The following CCDC68 variants were observed in gnomAD, a reference collection of about 807,000 sequenced individuals.
CCDC68 encodes coiled-coil domain-containing protein 68.
CCDC68 carries 45 observed loss-of-function variants against 47.1 expected under a neutral mutation model. The observed-to-expected ratio is 0.96, with a 90% CI of 0.75 to 1.23. The LOEUF is 1.23. Ranked by LOEUF, CCDC68 falls within the 50% of genes most tolerant of loss-of-function variation. The probability of loss-of-function intolerance (pLI) is 0.00; values close to 1 mark genes in which losing one functional copy is unlikely to be tolerated. For synonymous variants in CCDC68, 131 were observed against 129.5 expected (o/e 1.01, Z -0.08); for missense variants, 353 against 373.6 (o/e 0.94, Z 0.45).
chr18:54,950,012 G>C (rs2044587760), intron 1 of CCDC68, among the ~76,000 whole-genome samples: 1 of 152,128 alleles, frequency 6.6e-6, no homozygotes, highest in East Asian at 1.9e-4. Context: ...CGGTGTCCTA[G>C]CATATGAGAT....
intron 3 of CCDC68, 52 bp from the exon 4 acceptor site, chr18:54,941,135 C>CT (rs762218673): frequency 3.2e-6 from 4 of 1,260,586 alleles, no homozygotes; most frequent in African/African-American, 1.5e-5. Flanking sequence ...ATGCCAAACG[C>CT]TTTTTTTCTC....
At chr18:54,912,218 T>G (rs964455654) in intron 10 of CCDC68, among the ~76,000 whole-genome samples, 6 of 152,302 alleles carry the variant, frequency 3.9e-5, no homozygotes, top group Admixed American at 3.3e-4. Flanking sequence ...GAGCAGGTCC[T>G]TAGCGAAGAA....
chr18:54,924,538 T>A (rs992320006), intron 8 of CCDC68, among the ~76,000 whole-genome samples: 5 of 152,208 alleles, frequency 3.3e-5, no homozygotes, highest in African/African-American at 9.7e-5. Flanking sequence ...GGATTCTCTC[T>A]CAATTCATCA....
intron 1 of CCDC68, among the ~76,000 whole-genome samples, chr18:54,953,054 T>G (rs375577581): frequency 6.6e-6 from 1 of 151,554 alleles, no homozygotes; most frequent in African/African-American, 2.4e-5. Context: ...CCCAACAACA[T>G]AGATAAGTGT....
chr18:54,916,841 T>C (rs563738276), intron 10 of CCDC68, among the ~76,000 whole-genome samples: 2 of 152,358 alleles, frequency 1.3e-5, no homozygotes, highest in Admixed American at 6.5e-5. Context: ...GTGGAGTTAA[T>C]TGAATCATGG....
chr18:54,937,088 C>T lies in CCDC68; in HGVS notation c.346-130G>A, dbSNP rs1402236579. ...TTTACAGCCTCATAGACAATGGATA[C>T]GAGAGAAGACACTGTTATTTGGTAA... On this transcript the variant is annotated intron_variant, in intron 5 of 11. Coordinates refer to ENST00000591504, the MANE Select transcript of CCDC68 (RefSeq NM_025214.3). 7.0e-5 allele frequency: 54 copies of T among 767,864 alleles called. 1 individual carries two copies. The highest frequency in any genetic ancestry group is 3.6e-4 in the South Asian group (20 of 54,890). 47.6% of individuals were successfully genotyped at this position (767,864 alleles called of 1,614,324 possible). A position where few individuals can be genotyped will look rare whatever the true frequency, so the allele number is the denominator to read the frequency against.
In CCDC68 at chr18:54,957,627, ACTCTCTCTCT is replaced by A. The variant is rs60851819; in HGVS notation, c.-103+1699_-103+1708del. Among the ~76,000 whole-genome samples, 40 of 143,854 alleles carry A rather than the reference ACTCTCTCTCT, an allele frequency of 2.8e-4. 1 individual carries two copies. The highest frequency in any genetic ancestry group is 9.3e-4 in the South Asian group (4 of 4,308). 94.4% of individuals were successfully genotyped at this position (143,854 alleles called of 152,430 possible). A position where few individuals can be genotyped will look rare whatever the true frequency, so the allele number is the denominator to read the frequency against. On this transcript the variant is annotated intron_variant, in intron 1 of 11. Coordinates refer to ENST00000591504, the MANE Select transcript of CCDC68 (RefSeq NM_025214.3). Reference sequence around the variant, plus strand: ...AAACAATGTACACACACACACACACACTCTCTCTCTCTCTCTCTCTCTCTCTCTCTCATTT... The same window carrying A: ...AAACAATGTACACACACACACACACACTCTCTCTCTCTCTCTCTCTCATTT...
chr18:54,909,858 C>T (rs1914249995), intron 10 of CCDC68, among the ~76,000 whole-genome samples: 1 of 152,234 alleles, frequency 6.6e-6, no homozygotes, highest in Admixed American at 6.5e-5. Context: ...AGCCCTGGCT[C>T]AGGGAGCTCC....
chr18:54,913,538 A>T (rs1028325790), intron 10 of CCDC68, among the ~76,000 whole-genome samples: 3 of 152,236 alleles, frequency 2.0e-5, no homozygotes, highest in Non-Finnish European at 2.9e-5. Context: ...GAAGTGGTTC[A>T]CACTTGTAAT....
intron 8 of CCDC68, among the ~76,000 whole-genome samples, chr18:54,928,472 A>G (rs1568145560): frequency 1.3e-5 from 2 of 152,164 alleles, no homozygotes; most frequent in Non-Finnish European, 2.9e-5. Flanking sequence ...AGATCTCTCA[A>G]GCGTCCTCCT....
chr18:54,930,538 A>C (rs1207806998), intron 7 of CCDC68, among the ~76,000 whole-genome samples: 1 of 151,660 alleles, frequency 6.6e-6, no homozygotes, highest in Non-Finnish European at 1.5e-5. Flanking sequence ...ATTGTCCTGG[A>C]GTTTCCCTAG....
At chr18:54,937,089 G>A (rs533179118) in intron 5 of CCDC68, 131 bp from the exon 6 acceptor site, 5 of 772,638 alleles carry the variant, frequency 6.5e-6, no homozygotes, top group South Asian at 1.8e-5. Context: ...CAATGGATAC[G>A]AGAGAAGACA....
chr18:54,913,971 A>G (rs1051089041), intron 10 of CCDC68, among the ~76,000 whole-genome samples: 1 of 152,170 alleles, frequency 6.6e-6, no homozygotes, highest in Non-Finnish European at 1.5e-5. Context: ...ACACTCTTCC[A>G]TTCTTCCTCG....
At chr18:54,909,861 G>A (rs913046886) in intron 10 of CCDC68, among the ~76,000 whole-genome samples, 1 of 152,234 alleles carries the variant, frequency 6.6e-6, no homozygotes, top group African/African-American at 2.4e-5. Context: ...CCTGGCTCAG[G>A]GAGCTCCCAG....
intron 4 of CCDC68, 88 bp from the exon 5 acceptor site, chr18:54,938,185 A>G (rs2044381472): frequency 4.8e-6 from 6 of 1,259,040 alleles, no homozygotes; most frequent in East Asian, 2.6e-5. Flanking sequence ...TATTACATAT[A>G]TCAAAGAAGC....
At chr18:54,904,436 T>A in intron 11 of CCDC68, 21 bp from the exon 12 acceptor site, 1 of 1,598,034 alleles carries the variant, frequency 6.3e-7, no homozygotes, top group Non-Finnish European at 8.6e-7. Context: ...GACAACACGA[T>A]GATCAAAATG....
Position 54,904,433 on chromosome 18 carries a change from C to T in CCDC68, c.951-18G>A, listed in dbSNP as rs547079620. ...TCAATTCACTGTAGAAAAGACAACACGATGATCAAAATGGAGAATGTTAAA... is the reference window on the plus strand; with the variant it reads ...TCAATTCACTGTAGAAAAGACAACATGATGATCAAAATGGAGAATGTTAAA... On this transcript the variant is annotated intron_variant, in intron 11 of 11. Coordinates refer to ENST00000591504, the MANE Select transcript of CCDC68 (RefSeq NM_025214.3). The T allele has an allele frequency of 1.8e-5, 29 of 1,603,768 alleles. No homozygotes were observed. Among genetic ancestry groups the T allele is most frequent in the African/African-American group, 8.0e-5 (6 of 74,752 alleles).
chr18:54,909,380 CTTTTTTT>C (rs5825105), intron 10 of CCDC68, among the ~76,000 whole-genome samples: 7 of 125,568 alleles, frequency 5.6e-5, no homozygotes, highest in Admixed American at 8.0e-5. Context: ...TATTTTCTTT[CTTTTTTT>C]TTTTTTTTTT....
At chr18:54,909,991 G>A (rs557850444) in intron 10 of CCDC68, among the ~76,000 whole-genome samples, 1 of 152,330 alleles carries the variant, frequency 6.6e-6, no homozygotes, top group Admixed American at 6.5e-5. Context: ...GCATCCAGTG[G>A]GTCCTGAGTT....
Sources: allele counts gnomAD v4.1 joint callset (sites outside exome capture counted in the v4.1 genomes callset), GRCh38; gene constraint gnomAD v4.1.1; transcripts MANE v1.5; gene names NCBI Gene and HGNC (gene_info 2026-07-23, HGNC 2026-07-21).